Variants in FCN2 observed in about 807,000 individuals in gnomAD.
FCN2 encodes the protein ficolin 2.
In FCN2, 31 loss-of-function variants were observed where a neutral mutation model predicts 32.5. The observed-to-expected ratio is 0.96, with a 90% CI of 0.72 to 1.29. FCN2 has a LOEUF of 1.29. FCN2 is among the 50% of genes most tolerant of loss of function. The pLI, the probability that FCN2 is intolerant of heterozygous loss-of-function variation, is 0.00. For synonymous variants in FCN2, 181 were observed against 164.5 expected, an observed-to-expected ratio of 1.10 and a Z score of -0.77; for missense variants, 412 against 406.5, an observed-to-expected ratio of 1.01 and a Z score of -0.12.
At chr9:134,865,437 G>A in the FCN2 span, among the ~76,000 whole-genome samples, 4 of 152,210 alleles carry the variant, frequency 2.6e-5, no homozygotes, top group Admixed American at 1.3e-4. Flanking sequence ...GAAAGGCCCC[G>A]AGTGGGGCTA....
rs757894606 is a variant in FCN2, at chr9:134,882,623, C to T, written c.198C>T (p.Gly66=). Residue 66 remains glycine (G), a synonymous_variant, in exon 2 of 8, where the codon GGC becomes GGT. Transcript: ENST00000291744. ...PGAPGPKGEA[G]TNGKRGERGP... is the part of the protein sequence containing the mutation. ...CCCCTGGGCCCAAGGGAGAGGCAGG[C>T]ACCAATGGAAAGAGAGGTAGGTGCA... is the stretch of plus-strand genomic sequence containing the variant. 2 of 1,612,408 alleles carry T rather than the reference C, an allele frequency of 1.2e-6. No homozygotes were observed. Among genetic ancestry groups the T allele is most frequent in the East Asian group, 2.2e-5 (1 of 44,876 alleles).
In FCN2 at chr9:134,887,324, A is replaced by C; in HGVS notation, c.851A>C (p.His284Pro). The C allele has an allele frequency of 6.2e-7, 1 of 1,614,184 alleles. No individual in the cohort carries two copies. The highest frequency in any genetic ancestry group is 8.5e-7 in the Non-Finnish European group (1 of 1,180,010). ...AATGGTCGCTACCTCAGGGGGACTCATGGCAGCTTTGCAAATGGCATCAAC... is the reference window on the plus strand; with the variant it reads ...AATGGTCGCTACCTCAGGGGGACTCCTGGCAGCTTTGCAAATGGCATCAAC... ...NLNGRYLRGT[H>P]GSFANGINWK... The change falls in exon 8 of 8, where the codon CAT (histidine) becomes CCT (proline). Residue 284 changes from histidine to proline, a missense_variant. Coordinates refer to ENST00000291744, the MANE Select transcript of FCN2 (RefSeq NM_004108.3).
chr9:134,882,867 C>T (rs906939756), intron 2 of FCN2, among the ~76,000 whole-genome samples: 7 of 152,330 alleles, frequency 4.6e-5, no homozygotes, highest in Admixed American at 3.9e-4. Context: ...AGCTCTGTCT[C>T]CTAGTCCTTG....
At chr9:134,869,034 G>T in the FCN2 span, among the ~76,000 whole-genome samples, 2 of 152,158 alleles carry the variant, frequency 1.3e-5, no homozygotes, top group Non-Finnish European at 2.9e-5. Flanking sequence ...CGTATGACTC[G>T]CAACTCCTAA....
chr9:134,877,152 C>T (rs1176071775), upstream of FCN2, among the ~76,000 whole-genome samples: 5 of 152,108 alleles, frequency 3.3e-5, no homozygotes, highest in Non-Finnish European at 7.4e-5. Context: ...TGCACTTGTT[C>T]ATTATTATTC....
chr9:134,887,363 A>C lies in FCN2; in HGVS notation c.890A>C (p.Lys297Thr), dbSNP rs1314948940. ...FANGINWKSG[K>T]GYNYSYKVSE... ...AATGGCATCAACTGGAAGTCGGGGA[A>C]AGGATACAATTATAGCTACAAGGTG... The change falls in exon 8 of 8, where the codon AAA becomes ACA. Residue 297 changes from lysine (K) to threonine (T), a missense_variant. By Grantham distance (78) the Lys-to-Thr change is moderately conservative. Coordinates refer to ENST00000291744, the MANE Select transcript of FCN2 (RefSeq NM_004108.3). The C allele has an allele frequency of 6.2e-7, 1 of 1,614,154 alleles. No individual in the cohort carries two copies. The highest frequency in any genetic ancestry group is 8.5e-7 in the Non-Finnish European group (1 of 1,180,028).
the FCN2 span, among the ~76,000 whole-genome samples, chr9:134,874,544 A>G: frequency 5.1e-3 from 781 of 152,290 alleles, 4 homozygotes; most frequent in African/African-American, 0.018. Flanking sequence ...TATTTCTAAA[A>G]TCTCTATTCT....
Position 134,885,223 on chromosome 9 carries a change from C to T in FCN2, c.302-16C>T, listed in dbSNP as rs781312521. On this transcript the variant is annotated splice_polypyrimidine_tract_variant and intron_variant, in intron 4 of 7. Transcript: ENST00000291744. The stretch of plus-strand genomic sequence containing the variant: ...GGGCTCCTGTCCTGCAGCCATTCCC[C>T]GGGTTCCCTTCCCAGGCCCGCGTAC... The T allele has an allele frequency of 3.8e-5, 62 of 1,614,012 alleles. No individual in the cohort carries two copies. Among genetic ancestry groups the T allele is most frequent in the African/African-American group, 2.0e-4 (15 of 75,048 alleles).
At chr9:134,880,657 G>T (rs1157445673), upstream of FCN2, among the ~76,000 whole-genome samples, 1 of 152,172 alleles carries the variant, frequency 6.6e-6, no homozygotes, top group African/African-American at 2.4e-5. Context: ...GGGGCGGGGG[G>T]TAGGGAGCAG....
the FCN2 span, chr9:134,868,329 TG>T: frequency 6.5e-6 from 1 of 154,644 alleles, no homozygotes; most frequent in Admixed American, 6.5e-5. This position sits in a 1 kb window ranked among gnomAD's most constrained non-coding sequence, Gnocchi z 4.3. Context: ...GGGAGCCTGG[TG>T]GTATGCCAGC....
intron 6 of FCN2, 138 bp downstream of exon 6, chr9:134,886,035 G>A: frequency 1.1e-6 from 1 of 884,254 alleles, no homozygotes; most frequent in Non-Finnish European, 1.7e-6. Flanking sequence ...GGTGGCACTG[G>A]GACCTCCGAG....
intron 1 of FCN2, among the ~76,000 whole-genome samples, chr9:134,881,691 C>T (rs373988952): frequency 2.6e-5 from 4 of 152,118 alleles, no homozygotes; most frequent in Non-Finnish European, 5.9e-5. Flanking sequence ...TGACTAGCAT[C>T]GCATTCAAGG....
the FCN2 span, among the ~76,000 whole-genome samples, chr9:134,867,857 T>C: frequency 1.3e-5 from 2 of 152,118 alleles, no homozygotes; most frequent in African/African-American, 4.8e-5. Flanking sequence ...CCAAGTTTCT[T>C]AGAAATATTG....
At chr9:134,883,253 A>G in intron 2 of FCN2, 49 bp from the exon 3 acceptor site, 1 of 1,508,300 alleles carries the variant, frequency 6.6e-7, no homozygotes, top group South Asian at 1.1e-5. Flanking sequence ...GGGCCCTTTG[A>G]TCCTGGGCTG....
the FCN2 span, among the ~76,000 whole-genome samples, chr9:134,869,659 T>G: frequency 5.6e-3 from 852 of 152,362 alleles, 7 homozygotes; most frequent in African/African-American, 0.019. Context: ...CAGGTGGAAA[T>G]GCTGGCAGGC....
chr9:134,865,717 C>T, the FCN2 span, among the ~76,000 whole-genome samples: 1 of 152,128 alleles, frequency 6.6e-6, no homozygotes, highest in Admixed American at 6.6e-5. Flanking sequence ...TCTCTTAGAG[C>T]ACCCTTAGCA....
intron 7 of FCN2, 130 bp downstream of exon 7, chr9:134,886,694 A>G (rs1000264962): frequency 8.8e-5 from 87 of 985,826 alleles, no homozygotes; most frequent in Non-Finnish European, 1.1e-4. Context: ...GTCCATCTCT[A>G]CATGCAGACA....
At chr9:134,884,948 A>G (rs1264471555) in intron 4 of FCN2, among the ~76,000 whole-genome samples, 176 bp downstream of exon 4, 1 of 152,240 alleles carries the variant, frequency 6.6e-6, no homozygotes, top group Admixed American at 6.5e-5. Flanking sequence ...TGTCCAGACA[A>G]CTTACATACA....
upstream of FCN2, among the ~76,000 whole-genome samples, chr9:134,876,349 T>C (rs1830603541): frequency 6.6e-6 from 1 of 152,230 alleles, no homozygotes; most frequent in African/African-American, 2.4e-5. Flanking sequence ...GAATTGCTAT[T>C]ATTTCTTCCT....
Sources: allele counts gnomAD v4.1 joint callset (sites outside exome capture counted in the v4.1 genomes callset), GRCh38; gene constraint gnomAD v4.1.1; non-coding constraint Gnocchi (gnomAD v3.1); transcripts MANE v1.5; gene names NCBI Gene and HGNC (gene_info 2026-07-23, HGNC 2026-07-21).